The following SKA3 variants were observed in gnomAD, a reference collection of about 807,000 sequenced individuals.
The protein encoded by SKA3 is spindle and kinetochore-associated protein 3.
SKA3 carries 39 observed loss-of-function variants against 44.2 expected under a neutral mutation model. The ratio of observed to expected loss-of-function variants is 0.88; its 90% CI spans 0.68 to 1.15. The LOEUF (loss-of-function observed/expected upper bound fraction) is 1.15. SKA3 is among the 50% of genes most tolerant of loss of function. The pLI, the probability that SKA3 is intolerant of heterozygous loss-of-function variation, is 0.00. For synonymous variants in SKA3, 192 were observed against 172.0 expected (o/e 1.12, Z -0.91); for missense variants, 511 against 485.8 (o/e 1.05, Z -0.49).
chr13:21,166,642 G>A (rs1282206602), intron 4 of SKA3, among the ~76,000 whole-genome samples: 1 of 152,296 alleles, frequency 6.6e-6, no homozygotes, highest in South Asian at 2.1e-4. Flanking sequence ...GCTGAGGCAC[G>A]AGAATCACTT....
intron 4 of SKA3, among the ~76,000 whole-genome samples, chr13:21,164,570 T>C (rs1870606092): frequency 6.6e-6 from 1 of 152,250 alleles, no homozygotes; most frequent in Admixed American, 6.5e-5. Flanking sequence ...TTTGTACTAT[T>C]TTGATAGACA....
chr13:21,175,478 G>C (rs12430927), intron 1 of SKA3, among the ~76,000 whole-genome samples: 64,523 of 151,536 alleles, frequency 0.43, 15,287 homozygotes, highest in East Asian at 0.7. Context: ...GGGTTTCACC[G>C]TGTTAGCCAG....
At chr13:21,171,703 A>G (rs1311006518) in intron 3 of SKA3, among the ~76,000 whole-genome samples, 1 of 152,176 alleles carries the variant, frequency 6.6e-6, no homozygotes, top group African/African-American at 2.4e-5. Flanking sequence ...TAATCCTTAT[A>G]CAATCTCATG....
At chr13:21,170,148 T>C (rs914328888) in intron 3 of SKA3, among the ~76,000 whole-genome samples, 8 of 151,970 alleles carry the variant, frequency 5.3e-5, no homozygotes, top group Non-Finnish European at 7.4e-5. Context: ...TTCAAAGATA[T>C]ACAGTTTCTC....
At chr13:21,160,649 C>T (rs929511024) in intron 5 of SKA3, among the ~76,000 whole-genome samples, 12 of 152,126 alleles carry the variant, frequency 7.9e-5, no homozygotes, top group African/African-American at 2.9e-4. Context: ...ATCTTAACAG[C>T]TACTCTTAGC....
At position 21,158,083 on chromosome 13, in the gene SKA3, T is replaced by C. The variant is rs772989846; in HGVS notation, c.958A>G (p.Asn320Asp). 6.2e-7 allele frequency: 1 copy of C among 1,612,540 alleles called. No homozygotes were observed. The highest frequency in any genetic ancestry group is 8.5e-7 in the Non-Finnish European group (1 of 1,178,658). ...GTACGATCTTCAACTTCCAAATCAT[T>C]TGATGAACTATTTGTTTTTGATAAT... ...YPLSKTNSSS[N>D]DLEVEDRTSL... The change falls in exon 7 of 9, where the codon AAT becomes GAT. Residue 320 changes from asparagine to aspartate, a missense_variant. Asn to Asp is a conservative substitution (Grantham distance 23). Coordinates refer to ENST00000314759, the MANE Select transcript of SKA3 (RefSeq NM_145061.6).
chr13:21,168,894 T>C (rs557279980), intron 3 of SKA3, among the ~76,000 whole-genome samples: 6 of 152,342 alleles, frequency 3.9e-5, no homozygotes, highest in African/African-American at 1.2e-4. Context: ...CCATATCTCA[T>C]TGTGATTATA....
At chr13:21,171,772 T>C (rs1242535608) in intron 3 of SKA3, among the ~76,000 whole-genome samples, 1 of 152,150 alleles carries the variant, frequency 6.6e-6, no homozygotes, top group Non-Finnish European at 1.5e-5. Flanking sequence ...CAAGGTTAAG[T>C]AACTTGACAA....
At position 21,158,535 on chromosome 13, in the gene SKA3, T is replaced by C. The variant is rs1870259425; in HGVS notation, c.916-410A>G. On this transcript the variant is annotated intron_variant, in intron 6 of 8. Coordinates refer to ENST00000314759, the MANE Select transcript of SKA3 (RefSeq NM_145061.6). ...TACTCAGGAGACTGAGGCAGGAGAA[T>C]TGCTTGAACCCAGAGGCGGAGGTTG... is the stretch of plus-strand genomic sequence containing the variant. Among the ~76,000 whole-genome samples the C allele has an allele frequency of 2.0e-5, 3 of 152,230 alleles. No individual in the cohort carries two copies. The South Asian group carries it at 6.2e-4, about 32-fold the overall frequency.
In SKA3 at chr13:21,176,368, C is replaced by A; in HGVS notation, c.103+7G>T. 6.4e-7 allele frequency: 1 copy of A among 1,557,680 alleles called. No individual in the cohort carries two copies. The highest frequency in any genetic ancestry group is 8.7e-7 in the Non-Finnish European group (1 of 1,151,836). On this transcript the variant is annotated splice_region_variant and intron_variant, in intron 1 of 8. Transcript: ENST00000314759. ...CGCACCGTGCCCTGGCCGCCCGCCT[C>A]ACGCACCGCTTTCCTCTCCGTCCAG...
Position 21,168,299 on chromosome 13 carries a change from T to C in SKA3, c.432A>G (p.Ala144=), listed in dbSNP as rs374152219. ...GAGACTTCTCAGAAATACAACTGCTTGCAACAGGAGGATCAGACAGATCAT... is the reference window on the plus strand; with the variant it reads ...GAGACTTCTCAGAAATACAACTGCTCGCAACAGGAGGATCAGACAGATCAT... ...VKDDLSDPPV[A]SSCISEKSPR... Residue 144 remains alanine (A), a synonymous_variant, in exon 4 of 9, where the codon GCA becomes GCG. Transcript: ENST00000314759. 8.6e-5 allele frequency: 139 copies of C among 1,614,080 alleles called. No homozygotes were observed. Among genetic ancestry groups the C allele is most frequent in the Middle Eastern group, 1.6e-4 (1 of 6,084 alleles).
At chr13:21,174,540 T>A (rs9550715) in intron 1 of SKA3, among the ~76,000 whole-genome samples, 83,383 of 151,482 alleles carry the variant, frequency 0.55, 24,549 homozygotes, top group East Asian at 0.81. Flanking sequence ...ATGAGAACAC[T>A]TGGACACAGG....
Position 21,154,825 on chromosome 13 carries a change from A to T in SKA3, c.*325T>A. 2.2e-6 allele frequency: 1 copy of T among 454,160 alleles called. No homozygotes were observed. Among genetic ancestry groups the T allele is most frequent in the Non-Finnish European group, 4.0e-6 (1 of 250,890 alleles). The allele number at this position is 454,160 out of a possible 1,614,324, so 28.1% of individuals were successfully genotyped here. A position where few individuals can be genotyped will look rare whatever the true frequency, so the allele number is the denominator to read the frequency against. On this transcript the variant is annotated 3_prime_UTR_variant, in exon 9 of 9. Transcript: ENST00000314759. ...AGGGGCGGCCTCATCTGAGTAGCAA[A>T]CACCTTTATATTTTTGAAATTACTT...
Position 21,154,427 on chromosome 13 carries a change from G to C in SKA3, c.*723C>G, listed in dbSNP as rs1335518146. The C allele has an allele frequency of 6.5e-6, 1 of 152,762 alleles. No individual in the cohort carries two copies. The highest frequency in any genetic ancestry group is 6.5e-5 in the Admixed American group (1 of 15,310). The allele number at this position is 152,762 out of a possible 1,614,324, so 9.5% of individuals were successfully genotyped here. ...ACCTTTTAGAGAGAGTGAAATTCAG[G>C]GTCTACTGGGTGTCCAAGCTGCAGA... is the stretch of plus-strand genomic sequence containing the variant. On this transcript the variant is annotated 3_prime_UTR_variant, in exon 9 of 9. Coordinates refer to ENST00000314759, the MANE Select transcript of SKA3 (RefSeq NM_145061.6).
At chr13:21,159,697 C>A (rs144396446) in intron 6 of SKA3, among the ~76,000 whole-genome samples, 1 of 152,024 alleles carries the variant, frequency 6.6e-6, no homozygotes, top group Non-Finnish European at 1.5e-5. Context: ...AGAAAAAATT[C>A]AGAGATATGG....
In SKA3 at chr13:21,153,632, A is replaced by G. The variant is rs1313374808; in HGVS notation, c.*1518T>C. The G allele has an allele frequency of 6.6e-6, 1 of 152,228 alleles. No homozygotes were observed. Among genetic ancestry groups the G allele is most frequent in the Admixed American group, 6.5e-5 (1 of 15,280 alleles). The allele number at this position is 152,228 out of a possible 1,614,324, so 9.4% of individuals were successfully genotyped here. ...CCTCTTTTTATTTGAATTCTCAGCA[A>G]TATTCACAGAATCATCACTCTCCTT... On this transcript the variant is annotated 3_prime_UTR_variant, in exon 9 of 9. Coordinates refer to ENST00000314759, the MANE Select transcript of SKA3 (RefSeq NM_145061.6).
In SKA3 at chr13:21,154,548, T is replaced by A. The variant is rs1409833; in HGVS notation, c.*602A>T. 132,656 of 153,614 alleles carry A rather than the reference T, an allele frequency of 0.86. 57,292 individuals carry two copies. Among genetic ancestry groups the A allele is most frequent in the East Asian group, 0.99 (5,183 of 5,244 alleles). 9.5% of individuals were successfully genotyped at this position (153,614 alleles called of 1,614,324 possible). On this transcript the variant is annotated 3_prime_UTR_variant, in exon 9 of 9. Transcript: ENST00000314759. ...AAAAGCTGGAAGAGAAACAAAACTCTCAACCTGACAGCAGAGTTCCTGGTT... is the reference window on the plus strand; with the variant it reads ...AAAAGCTGGAAGAGAAACAAAACTCACAACCTGACAGCAGAGTTCCTGGTT...
At chr13:21,170,485 T>C (rs561270149) in intron 3 of SKA3, among the ~76,000 whole-genome samples, 1 of 152,354 alleles carries the variant, frequency 6.6e-6, no homozygotes, top group South Asian at 2.1e-4. Context: ...TGGCCGGTTA[T>C]ATACTTTCTT....
chr13:21,155,348 ATTAAC>A (rs1027178961), intron 8 of SKA3, among the ~76,000 whole-genome samples, 198 bp from the exon 9 acceptor site: 31 of 152,256 alleles, frequency 2.0e-4, no homozygotes, highest in Admixed American at 1.5e-3. Flanking sequence ...GAGACAGGCT[ATTAAC>A]TTAAGCTGGC....
Sources: allele counts gnomAD v4.1 joint callset (sites outside exome capture counted in the v4.1 genomes callset), GRCh38; gene constraint gnomAD v4.1.1; transcripts MANE v1.5; gene names NCBI Gene and HGNC (gene_info 2026-07-23, HGNC 2026-07-21).